SH3BGR: variants seen among roughly 807,000 people sequenced by gnomAD.
The protein encoded by SH3BGR is SH3 domain binding glutamate rich protein.
Under a neutral mutation model 24.5 loss-of-function variants are expected in SH3BGR, and 29 were observed. The observed-to-expected ratio is 1.18, with a 90% CI of 0.88 to 1.61. The LOEUF (loss-of-function observed/expected upper bound fraction) is 1.61. SH3BGR is among the 40% of genes most tolerant of loss of function. The probability of loss-of-function intolerance (pLI) is 0.00; values close to 1 mark genes in which losing one functional copy is unlikely to be tolerated. For synonymous variants in SH3BGR, 55 were observed against 65.7 expected (o/e 0.84, Z 0.79); for missense variants, 162 against 205.8 (o/e 0.79, Z 1.30).
At chr21:39,472,512 G>A (rs1057178361) in intron 2 of SH3BGR, among the ~76,000 whole-genome samples, 1 of 152,102 alleles carries the variant, frequency 6.6e-6, no homozygotes, top group Non-Finnish European at 1.5e-5. Context: ...TTTGAGGCCT[G>A]GGGTTTATTT....
chr21:39,476,378 TC>T (rs2078028114), intron 3 of SH3BGR, among the ~76,000 whole-genome samples: 2 of 152,182 alleles, frequency 1.3e-5, no homozygotes. Flanking sequence ...AGAAGTAGTT[TC>T]TGAGGAGAGG....
intron 2 of SH3BGR, among the ~76,000 whole-genome samples, chr21:39,471,603 T>C (rs1602100159): frequency 1.7e-5 from 1 of 58,912 alleles, no homozygotes; most frequent in Non-Finnish European, 3.3e-5. Context: ...TTATTTGTTG[T>C]TTGTTTGTTT....
At chr21:39,499,366 CATCT>C (rs1470639693) in intron 3 of SH3BGR, among the ~76,000 whole-genome samples, 23 of 151,806 alleles carry the variant, frequency 1.5e-4, no homozygotes, top group East Asian at 7.7e-4. Context: ...TCCATCCATC[CATCT>C]ATCCATCCAT....
chr21:39,457,141 A>G (rs987955138), intron 1 of SH3BGR, among the ~76,000 whole-genome samples: 1 of 146,870 alleles, frequency 6.8e-6, no homozygotes, highest in African/African-American at 2.5e-5. Flanking sequence ...CACCATCAAG[A>G]ACAAATTATA....
chr21:39,454,920 C>T (rs2077631093), intron 1 of SH3BGR, among the ~76,000 whole-genome samples: 1 of 152,214 alleles, frequency 6.6e-6, no homozygotes, highest in Non-Finnish European at 1.5e-5. Context: ...GCATCATCTT[C>T]TTCAGTTCCC....
chr21:39,485,774 A>G (rs1270419405), intron 3 of SH3BGR, among the ~76,000 whole-genome samples: 1 of 140,508 alleles, frequency 7.1e-6, no homozygotes, highest in Non-Finnish European at 1.5e-5. Context: ...TGCAAGCTCC[A>G]CCTCCAGGGT....
intron 1 of SH3BGR, among the ~76,000 whole-genome samples, chr21:39,453,796 A>G (rs546472573): frequency 1.3e-5 from 2 of 152,228 alleles, no homozygotes; most frequent in Non-Finnish European, 2.9e-5. Flanking sequence ...TGCCTACATC[A>G]TAGTGTTGTC....
At chr21:39,483,933 A>G (rs1412558509) in intron 3 of SH3BGR, among the ~76,000 whole-genome samples, 1 of 152,184 alleles carries the variant, frequency 6.6e-6, no homozygotes, top group African/African-American at 2.4e-5. Context: ...GATAGTCAAG[A>G]CACTATGGGA....
At chr21:39,474,892 T>G (rs1698705817) in intron 2 of SH3BGR, among the ~76,000 whole-genome samples, 1 of 150,768 alleles carries the variant, frequency 6.6e-6, no homozygotes, top group South Asian at 2.1e-4. Flanking sequence ...TGGGTAGGGG[T>G]GTGTGTGTGT....
chr21:39,475,437 T>TA (rs1368318773), intron 3 of SH3BGR, among the ~76,000 whole-genome samples: 2 of 152,234 alleles, frequency 1.3e-5, no homozygotes, highest in African/African-American at 2.4e-5. Context: ...TTCACCTTGT[T>TA]ACAATAAATT....
upstream of SH3BGR, among the ~76,000 whole-genome samples, chr21:39,451,116 G>A (rs956253917): frequency 3.3e-5 from 5 of 151,940 alleles, no homozygotes; most frequent in African/African-American, 1.2e-4. Context: ...ACACTGCCCC[G>A]GACCTTCTCT....
At chr21:39,498,265 A>T (rs1178798944) in intron 3 of SH3BGR, among the ~76,000 whole-genome samples, 1 of 152,200 alleles carries the variant, frequency 6.6e-6, no homozygotes, top group Non-Finnish European at 1.5e-5. Flanking sequence ...TGATTATCAC[A>T]GGAGGGTGGG....
chr21:39,476,716 T>C (rs2078033848), intron 3 of SH3BGR, among the ~76,000 whole-genome samples: 1 of 152,172 alleles, frequency 6.6e-6, no homozygotes, highest in African/African-American at 2.4e-5. Context: ...ATCTCCCGTA[T>C]TCCTACTACT....
chr21:39,483,584 T>A (rs1030754292), intron 3 of SH3BGR, among the ~76,000 whole-genome samples: 4 of 152,224 alleles, frequency 2.6e-5, no homozygotes, highest in Non-Finnish European at 5.9e-5. Flanking sequence ...TTTTACCTGC[T>A]GACCCTGAAT....
At chr21:39,499,673 A>G in intron 3 of SH3BGR, 150 bp from the exon 4 acceptor site, 2 of 566,686 alleles carry the variant, frequency 3.5e-6, no homozygotes, top group South Asian at 4.5e-5. Flanking sequence ...CCTATGCTCT[A>G]GTCGCTAAGT....
At chr21:39,485,167 G>A (rs2078189489) in intron 3 of SH3BGR, among the ~76,000 whole-genome samples, 1 of 152,128 alleles carries the variant, frequency 6.6e-6, no homozygotes, top group Admixed American at 6.5e-5. Context: ...CTGATTAAAT[G>A]AACATCATTC....
intron 2 of SH3BGR, among the ~76,000 whole-genome samples, chr21:39,462,893 T>A (rs2077777708): frequency 6.6e-6 from 1 of 152,260 alleles, no homozygotes; most frequent in African/African-American, 2.4e-5. Context: ...CACGTGTATC[T>A]GCAGAGGAAC....
intron 3 of SH3BGR, among the ~76,000 whole-genome samples, chr21:39,493,704 G>A (rs1569168375): frequency 6.6e-6 from 1 of 152,142 alleles, no homozygotes; most frequent in Non-Finnish European, 1.5e-5. Context: ...ATTGCATTTG[G>A]CCGTGTGGTC....
chr21:39,482,313 A>G (rs28634277), intron 3 of SH3BGR, among the ~76,000 whole-genome samples: 85,580 of 152,150 alleles, frequency 0.56, 24,436 homozygotes, highest in East Asian at 0.68. Flanking sequence ...ATAAAAAGAG[A>G]TGGAATTGTT....
Sources: allele counts gnomAD v4.1 joint callset (sites outside exome capture counted in the v4.1 genomes callset), GRCh38; gene constraint gnomAD v4.1.1; transcripts MANE v1.5; gene names NCBI Gene and HGNC (gene_info 2026-07-23, HGNC 2026-07-21).